Variants in NEK10 observed in about 807,000 individuals in gnomAD.
NEK10 encodes NIMA related kinase 10, also known as serine/threonine-protein kinase Nek10.
Under a neutral mutation model 159.8 loss-of-function variants are expected in NEK10, and 122 were observed. The observed-to-expected ratio is 0.76, with a 90% CI of 0.66 to 0.89. NEK10 has a LOEUF of 0.89. Among genes scored for constraint, NEK10 ranks in the 40% least tolerant of loss-of-function variants. NEK10 has a pLI of 0.00. For synonymous variants in NEK10, 466 were observed against 457.1 expected, an observed-to-expected ratio of 1.02 and a Z score of -0.25; for missense variants, 1,342 against 1,323.1, an observed-to-expected ratio of 1.01 and a Z score of -0.22.
At chr3:27,261,609 C>A (rs184671207) in intron 22 of NEK10, among the ~76,000 whole-genome samples, 1 of 152,200 alleles carries the variant, frequency 6.6e-6, no homozygotes, top group Admixed American at 6.5e-5. Context: ...AATTTCTGTT[C>A]TTTTACATTT....
At chr3:27,147,827 T>TA (rs1456838780) in intron 30 of NEK10, among the ~76,000 whole-genome samples, 2 of 152,200 alleles carry the variant, frequency 1.3e-5, no homozygotes, top group Admixed American at 6.5e-5. Flanking sequence ...CTACCAGTCT[T>TA]ACGCTTAATT....
chr3:27,325,467 C>T (rs1343987896), intron 5 of NEK10, among the ~76,000 whole-genome samples: 1 of 152,112 alleles, frequency 6.6e-6, no homozygotes, highest in Admixed American at 6.5e-5. Flanking sequence ...CCACACTGAT[C>T]CTCTGCCTCT....
rs187941792 is a variant in NEK10 at position 27,111,255 on chromosome 3, C to T, written c.*17G>A. 70 of 1,607,398 alleles carry T rather than the reference C, an allele frequency of 4.4e-5. No individual in the cohort carries two copies. In the Admixed American group the frequency reaches 7.4e-4, roughly 17 times the overall value. On this transcript the variant is annotated 3_prime_UTR_variant, in exon 36 of 36. Transcript: ENST00000691995. ...AACTTCACTGAGAAAATCAAGTCCA[C>T]TCAAAATGCAGCATTTTCATCTTTT...
intron 1 of NEK10, chr3:27,363,901 CACT>C (rs1479069114): frequency 6.6e-6 from 1 of 152,066 alleles, no homozygotes; most frequent in East Asian, 1.9e-4. Flanking sequence ...TCCACTTGCC[CACT>C]GAGTGACCTC....
At chr3:27,151,244 C>T (rs945819531) in intron 30 of NEK10, among the ~76,000 whole-genome samples, 8 of 152,134 alleles carry the variant, frequency 5.3e-5, no homozygotes, top group Non-Finnish European at 8.8e-5. Context: ...CTTATGGAGT[C>T]CATTGCAACC....
At chr3:27,335,963 G>A (rs1406986469) in intron 5 of NEK10, among the ~76,000 whole-genome samples, 1 of 151,800 alleles carries the variant, frequency 6.6e-6, no homozygotes, top group Non-Finnish European at 1.5e-5. Flanking sequence ...AGAAAGGCAA[G>A]AACAAACCAA....
chr3:27,139,442 G>A (rs939714122), intron 31 of NEK10, among the ~76,000 whole-genome samples: 9 of 152,074 alleles, frequency 5.9e-5, no homozygotes, highest in African/African-American at 2.2e-4. Flanking sequence ...ATGATCCAGG[G>A]GAATTCATGT....
At chr3:27,320,104 GC>G (rs2045512836) in intron 6 of NEK10, among the ~76,000 whole-genome samples, 1 of 152,318 alleles carries the variant, frequency 6.6e-6, no homozygotes, top group Non-Finnish European at 1.5e-5. Context: ...TGGAAAGAGT[GC>G]CAGGGAGGAC....
chr3:27,315,288 C>A (rs616820), intron 6 of NEK10, among the ~76,000 whole-genome samples: 5 of 151,970 alleles, frequency 3.3e-5, no homozygotes, highest in Non-Finnish European at 7.4e-5. Context: ...GTCTAGTTCT[C>A]CCATGAAGCC....
At chr3:27,142,841 A>C (rs918941337) in intron 30 of NEK10, among the ~76,000 whole-genome samples, 2 of 152,192 alleles carry the variant, frequency 1.3e-5, no homozygotes, top group Non-Finnish European at 2.9e-5. Context: ...CTTTACAGAT[A>C]TCTTTACTGA....
At chr3:27,306,400 T>G (rs1451142179) in intron 11 of NEK10, among the ~76,000 whole-genome samples, 1 of 152,168 alleles carries the variant, frequency 6.6e-6, no homozygotes, top group African/African-American at 2.4e-5. Context: ...CTCCCAAATT[T>G]TGTGCTCTGA....
Position 27,124,014 on chromosome 3 carries a change from TTG to T in NEK10, c.3082-4148_3082-4147del, listed in dbSNP as rs375605018. ...TGAGTTCCTTGAAGGATTTTCTGTG[TTG>T]TGTGTGTGTGTGTACAAGTGTGACA... On this transcript the variant is annotated intron_variant, in intron 32 of 35. Coordinates refer to ENST00000691995, the MANE Select transcript of NEK10 (RefSeq NM_001394966.1). 2.8e-3 allele frequency among the ~76,000 whole-genome samples: 419 copies of T among 151,310 alleles called. 1 individual carries two copies. Among genetic ancestry groups the T allele is most frequent in the Non-Finnish European group, 5.0e-3 (338 of 67,718 alleles).
intron 1 of NEK10, among the ~76,000 whole-genome samples, chr3:27,356,642 T>C (rs1242103006): frequency 6.6e-6 from 1 of 152,218 alleles, no homozygotes; most frequent in Non-Finnish European, 1.5e-5. Flanking sequence ...GCCTGCTTGC[T>C]GTTCTTTTCC....
intron 24 of NEK10, among the ~76,000 whole-genome samples, chr3:27,202,091 C>A (rs1950102754): frequency 6.6e-6 from 1 of 152,134 alleles, no homozygotes; most frequent in South Asian, 2.1e-4. Flanking sequence ...GCGGAGGTTG[C>A]AGTGAGCCAA....
chr3:27,244,331 C>G (rs905065875), intron 23 of NEK10, among the ~76,000 whole-genome samples: 1 of 152,184 alleles, frequency 6.6e-6, no homozygotes, highest in African/African-American at 2.4e-5. Context: ...GGATGTGGCC[C>G]TATTCTACTA....
chr3:27,301,502 G>T (rs572485234), intron 13 of NEK10, among the ~76,000 whole-genome samples, 194 bp downstream of exon 13: 1 of 152,288 alleles, frequency 6.6e-6, no homozygotes, highest in South Asian at 2.1e-4. Flanking sequence ...AGAAGACAAA[G>T]AAACATTTGT....
intron 22 of NEK10, among the ~76,000 whole-genome samples, chr3:27,270,277 T>C (rs905810833): frequency 1.3e-5 from 2 of 152,124 alleles, no homozygotes; most frequent in East Asian, 3.9e-4. Flanking sequence ...CCCTCAAGGA[T>C]AAAAGGCCAA....
chr3:27,210,038 G>A (rs926286067), intron 23 of NEK10, among the ~76,000 whole-genome samples: 1 of 142,958 alleles, frequency 7.0e-6, no homozygotes, highest in African/African-American at 2.5e-5. Flanking sequence ...AGTCTGATAA[G>A]AGACATTTTA....
intron 26 of NEK10, among the ~76,000 whole-genome samples, chr3:27,188,878 A>T (rs1175596985): frequency 1.3e-5 from 2 of 152,142 alleles, no homozygotes; most frequent in African/African-American, 4.8e-5. Flanking sequence ...GACTCTTCAG[A>T]AATGTCTTTA....
Sources: gnomAD v4.1 joint callset for allele counts (sites outside exome capture counted in the v4.1 genomes callset) on GRCh38, gnomAD v4.1.1 for gene constraint, MANE v1.5 for transcripts, NCBI Gene and HGNC (gene_info 2026-07-23, HGNC 2026-07-21) for gene names.